The following ATRNL1 variants were observed in gnomAD, a reference collection of about 807,000 sequenced individuals.
ATRNL1 encodes the protein attractin-like protein 1.
A neutral mutation model predicts 182.7 loss-of-function variants in ATRNL1; 95 were observed. The ratio of observed to expected loss-of-function variants is 0.52; its 90% CI spans 0.44 to 0.62. The LOEUF is 0.62. Among genes scored for constraint, ATRNL1 ranks in the 20% least tolerant of loss-of-function variants. ATRNL1 has a pLI of 0.00. For missense variants in ATRNL1, 1,471 were observed against 1,679.5 expected (o/e 0.88, Z 2.17); for synonymous variants, 576 against 568.3 (o/e 1.01, Z -0.19).
chr10:115,499,826 T>A (rs1275034360), intron 24 of ATRNL1, among the ~76,000 whole-genome samples: 7 of 152,208 alleles, frequency 4.6e-5, no homozygotes, highest in Non-Finnish European at 1.0e-4. Context: ...CCCAGCTTGA[T>A]TTTTCCCTGT....
intron 19 of ATRNL1, among the ~76,000 whole-genome samples, chr10:115,387,326 C>T (rs938104433): frequency 1.3e-5 from 2 of 152,174 alleles, no homozygotes; most frequent in African/African-American, 2.4e-5. Flanking sequence ...GCAAACTTCT[C>T]GGCCTTTCAA....
chr10:115,757,463 C>G (rs1334236489), intron 27 of ATRNL1, among the ~76,000 whole-genome samples: 1 of 152,168 alleles, frequency 6.6e-6, no homozygotes, highest in African/African-American at 2.4e-5. Context: ...AAATTCTTTT[C>G]TTTAAGAATG....
At chr10:115,472,851 CT>C (rs781809582) in intron 24 of ATRNL1, among the ~76,000 whole-genome samples, 31 of 150,946 alleles carry the variant, frequency 2.1e-4, no homozygotes, top group Non-Finnish European at 3.9e-4. Flanking sequence ...TGTCTAATTG[CT>C]TTTTCTAGGA....
chr10:115,778,220 A>G (rs1053602485), intron 27 of ATRNL1, among the ~76,000 whole-genome samples: 12 of 152,180 alleles, frequency 7.9e-5, no homozygotes, highest in South Asian at 2.1e-4. Flanking sequence ...TATGAATGAA[A>G]TTTGGCCCTA....
intron 27 of ATRNL1, among the ~76,000 whole-genome samples, chr10:115,818,215 A>G (rs1555089196): frequency 6.8e-6 from 1 of 147,716 alleles, no homozygotes; most frequent in East Asian, 2.0e-4. Flanking sequence ...CAGTCAGCCA[A>G]TGCTTTACTC....
intron 24 of ATRNL1, among the ~76,000 whole-genome samples, chr10:115,470,843 T>C (rs1171106521): frequency 1.3e-5 from 2 of 150,746 alleles, no homozygotes; most frequent in Non-Finnish European, 3.0e-5. Flanking sequence ...ATTATGCCTA[T>C]GGAATATGTT....
At chr10:115,706,533 G>A (rs1176641742) in intron 26 of ATRNL1, among the ~76,000 whole-genome samples, 2 of 151,788 alleles carry the variant, frequency 1.3e-5, no homozygotes, top group East Asian at 1.9e-4. Context: ...ATCACATAGT[G>A]CACTTTTATC....
intron 26 of ATRNL1, among the ~76,000 whole-genome samples, chr10:115,589,317 A>T (rs1855764826): frequency 6.6e-6 from 1 of 152,116 alleles, no homozygotes; most frequent in Non-Finnish European, 1.5e-5. Flanking sequence ...AAAATTAATT[A>T]CTCTTTGATC....
intron 27 of ATRNL1, among the ~76,000 whole-genome samples, chr10:115,755,630 C>T (rs1180836631): frequency 6.6e-6 from 1 of 152,066 alleles, no homozygotes; most frequent in African/African-American, 2.4e-5. Flanking sequence ...CTGAAATTTT[C>T]TTTTTTGGTT....
intron 18 of ATRNL1, among the ~76,000 whole-genome samples, chr10:115,323,259 G>T (rs185949664): frequency 2.6e-5 from 4 of 152,124 alleles, no homozygotes; most frequent in African/African-American, 9.6e-5. Flanking sequence ...TACCAGTTCA[G>T]ATCTTCTGTT....
At chr10:115,269,972 A>C (rs1184368175) in intron 13 of ATRNL1, among the ~76,000 whole-genome samples, 1 of 151,952 alleles carries the variant, frequency 6.6e-6, no homozygotes, top group African/African-American at 2.4e-5. Flanking sequence ...CTCTGTTGTT[A>C]TATACTTTCC....
chr10:115,598,302 A>T (rs1856382657), intron 26 of ATRNL1, among the ~76,000 whole-genome samples: 1 of 151,256 alleles, frequency 6.6e-6, no homozygotes, highest in Non-Finnish European at 1.5e-5. Flanking sequence ...GAAATTTACT[A>T]CTTTGGAAAT....
chr10:115,785,808 A>G (rs1206734918), intron 27 of ATRNL1, among the ~76,000 whole-genome samples: 1 of 152,192 alleles, frequency 6.6e-6, no homozygotes, highest in Non-Finnish European at 1.5e-5. Flanking sequence ...AGTAAGAAGA[A>G]AGCAGGCCAC....
intron 26 of ATRNL1, among the ~76,000 whole-genome samples, chr10:115,608,553 T>G (rs1375678229): frequency 7.9e-5 from 12 of 152,118 alleles, no homozygotes. Flanking sequence ...TTGTTATTAC[T>G]AAAAGTATGC....
At chr10:115,811,248 A>G (rs1473078078) in intron 27 of ATRNL1, among the ~76,000 whole-genome samples, 9 of 151,858 alleles carry the variant, frequency 5.9e-5, no homozygotes, top group Admixed American at 5.9e-4. Context: ...TGGCTTATTT[A>G]GAAGTGTGTT....
At chr10:115,501,534 G>C (rs1055483478) in intron 24 of ATRNL1, among the ~76,000 whole-genome samples, 3 of 152,094 alleles carry the variant, frequency 2.0e-5, no homozygotes, top group African/African-American at 7.2e-5. Flanking sequence ...CTTCAGTCAT[G>C]TACTGTTACA....
chr10:115,105,547 G>A (rs570498049), intron 1 of ATRNL1, among the ~76,000 whole-genome samples: 1 of 152,256 alleles, frequency 6.6e-6, no homozygotes, highest in African/African-American at 2.4e-5. Flanking sequence ...GATCTTCGGG[G>A]CAGCCCCTCT....
intron 26 of ATRNL1, among the ~76,000 whole-genome samples, chr10:115,650,274 G>A (rs1396478881): frequency 2.6e-5 from 4 of 152,022 alleles, no homozygotes; most frequent in South Asian, 2.1e-4. Flanking sequence ...AAATCTCAGC[G>A]TATGCAGAGC....
At chr10:115,812,932 A>G (rs1044400308) in intron 27 of ATRNL1, among the ~76,000 whole-genome samples, 2 of 149,710 alleles carry the variant, frequency 1.3e-5, no homozygotes, top group African/African-American at 5.1e-5. Flanking sequence ...AATAGAATTA[A>G]TATCAATATT....
Sources: gnomAD v4.1 joint callset for allele counts (sites outside exome capture counted in the v4.1 genomes callset) on GRCh38, gnomAD v4.1.1 for gene constraint, MANE v1.5 for transcripts, NCBI Gene and HGNC (gene_info 2026-07-23, HGNC 2026-07-21) for gene names.